The following RPS6KA2 variants were observed in gnomAD, a reference collection of about 807,000 sequenced individuals.
RPS6KA2 encodes the protein ribosomal protein S6 kinase alpha-2.
In RPS6KA2, 42 loss-of-function variants were observed where a neutral mutation model predicts 91.8. The observed-to-expected ratio is 0.46, with a 90% confidence interval of 0.36 to 0.59. RPS6KA2 has a LOEUF of 0.59. RPS6KA2 is among the 20% of genes least tolerant of loss of function. The pLI, the probability that RPS6KA2 is intolerant of heterozygous loss-of-function variation, is 0.00. For missense variants in RPS6KA2, 798 were observed against 978.5 expected, an observed-to-expected ratio of 0.82 and a Z score of 2.46; for synonymous variants, 414 against 393.6, an observed-to-expected ratio of 1.05 and a Z score of -0.61.
At chr6:166,722,976 C>T (rs1583050769) in intron 2 of RPS6KA2, among the ~76,000 whole-genome samples, 2 of 152,168 alleles carry the variant, frequency 1.3e-5, no homozygotes, top group Admixed American at 1.3e-4. Flanking sequence ...CTACACTTGG[C>T]GACTATGACA....
intron 2 of RPS6KA2, among the ~76,000 whole-genome samples, chr6:166,851,079 T>C (rs1780727555): frequency 6.6e-6 from 1 of 152,230 alleles, no homozygotes; most frequent in Admixed American, 6.5e-5. Context: ...TCACCTTTGG[T>C]GCCTCGATTT....
rs975586476 is a variant in RPS6KA2, at chr6:166,508,815, C to T, written c.380-533G>A. 3.9e-5 allele frequency among the ~76,000 whole-genome samples: 6 copies of T among 152,278 alleles called. No homozygotes were observed. Among genetic ancestry groups the T allele is most frequent in the African/African-American group, 1.4e-4 (6 of 41,550 alleles). On this transcript the variant is annotated intron_variant, in intron 4 of 20. Transcript: ENST00000265678. The surrounding 1 kb of genome is among the most constrained non-coding windows in gnomAD (Gnocchi z 4.3). ...ATTTGAACATCAACAATGGGGCTCA[C>T]GTCCTAGGTCTGGTCACTGTGAGCT...
At chr6:166,582,663 G>A in intron 1 of RPS6KA2, among the ~76,000 whole-genome samples, 1 of 152,102 alleles carries the variant, frequency 6.6e-6, no homozygotes, top group East Asian at 1.9e-4. Flanking sequence ...CAGAAAAAGT[G>A]CCAAAAAATG....
chr6:166,714,249 G>T (rs1324748204), intron 2 of RPS6KA2, among the ~76,000 whole-genome samples: 2 of 152,244 alleles, frequency 1.3e-5, no homozygotes, highest in Non-Finnish European at 2.9e-5. Flanking sequence ...CTCACACAGA[G>T]ACAACAGCTT....
At chr6:166,630,656 C>G (rs892950224), upstream of RPS6KA2, among the ~76,000 whole-genome samples, 2 of 152,188 alleles carry the variant, frequency 1.3e-5, no homozygotes, top group African/African-American at 4.8e-5. Flanking sequence ...GAGACAGTGT[C>G]CAGCCAGTAC....
At chr6:166,703,938 T>C (rs543316033) in intron 2 of RPS6KA2, among the ~76,000 whole-genome samples, 1 of 152,346 alleles carries the variant, frequency 6.6e-6, no homozygotes, top group South Asian at 2.1e-4. Context: ...TTTTCTCAGG[T>C]AACATATTTT....
At chr6:166,667,217 G>A (rs1240587801) in intron 2 of RPS6KA2, among the ~76,000 whole-genome samples, 1 of 152,210 alleles carries the variant, frequency 6.6e-6, no homozygotes, top group African/African-American at 2.4e-5. Flanking sequence ...CCACTGAACT[G>A]CACACTGACA....
At chr6:166,521,179 G>C (rs77551307) in intron 3 of RPS6KA2, among the ~76,000 whole-genome samples, 1 of 152,198 alleles carries the variant, frequency 6.6e-6, no homozygotes, top group Admixed American at 6.5e-5. Context: ...CAGGAGCCTT[G>C]GGGGTGTGGC....
chr6:166,521,253 A>C (rs1782845092), intron 3 of RPS6KA2, among the ~76,000 whole-genome samples: 1 of 152,178 alleles, frequency 6.6e-6, no homozygotes. Context: ...CCATCCAACT[A>C]CACTGGATTG....
At position 166,770,845 on chromosome 6, in the gene RPS6KA2, C is replaced by T. The variant is rs1376177560; in HGVS notation, c.123+87355G>A. 1 of 1,581,054 alleles carries T rather than the reference C, an allele frequency of 6.3e-7. No individual in the cohort carries two copies. Among genetic ancestry groups the T allele is most frequent in the Non-Finnish European group, 8.5e-7 (1 of 1,175,064 alleles). On this transcript the variant is annotated intron_variant, in intron 2 of 21. Transcript: ENST00000503859. The surrounding 1 kb of genome is among the most constrained non-coding windows in gnomAD (Gnocchi z 5.1). ...ACATAAGCATGGAAAAAAACAAACCCACAGGAACGCTTCTTACCTCTACGG... is the reference window on the plus strand; with the variant it reads ...ACATAAGCATGGAAAAAAACAAACCTACAGGAACGCTTCTTACCTCTACGG...
chr6:166,590,106 C>T (rs1227866886), intron 1 of RPS6KA2, among the ~76,000 whole-genome samples: 1 of 152,178 alleles, frequency 6.6e-6, no homozygotes, highest in Admixed American at 6.5e-5. Flanking sequence ...CAAGCAAAGA[C>T]ACAGGGGCTG....
rs540837515 is a variant in RPS6KA2, at chr6:166,723,369, A to AG, written c.123+134830dup. Among the ~76,000 whole-genome samples, 12 of 152,190 alleles carry AG rather than the reference A, an allele frequency of 7.9e-5. No individual in the cohort carries two copies. In the East Asian group the frequency reaches 1.9e-3, roughly 25 times the overall value. ...ATGAATGCACTGCCTTCCTCACCCCAGGGGGGTCCCACACGTGTGCACCGC... is the reference window on the plus strand; with the variant it reads ...ATGAATGCACTGCCTTCCTCACCCCAGGGGGGGTCCCACACGTGTGCACCGC... On this transcript the variant is annotated intron_variant, in intron 2 of 21. Coordinates refer to the RPS6KA2 transcript ENST00000503859.
Position 166,647,384 on chromosome 6 carries a change from G to GAACT in RPS6KA2, c.124-108601_124-108600insAGTT, listed in dbSNP as rs1275913539. 1.2e-4 allele frequency among the ~76,000 whole-genome samples: 19 copies of GAACT among 152,266 alleles called. No homozygotes were observed. The East Asian group carries it at 3.7e-3, about 29-fold the overall frequency. ...GGCTTCATCTCTTCTTGCCGGGTTAGTGCAGTTCTCTGCTGGTGGGGATGT... is the reference window on the plus strand; with the variant it reads ...GGCTTCATCTCTTCTTGCCGGGTTAGAACTTGCAGTTCTCTGCTGGTGGGGATGT... On this transcript the variant is annotated intron_variant, in intron 2 of 21. Coordinates refer to the RPS6KA2 transcript ENST00000503859.
At chr6:166,815,431 A>C (rs1779737376) in intron 2 of RPS6KA2, among the ~76,000 whole-genome samples, 1 of 152,220 alleles carries the variant, frequency 6.6e-6, no homozygotes, top group South Asian at 2.1e-4. Context: ...TTTTTAGCCC[A>C]CTGTGATTTA....
chr6:166,461,486 G>A lies in RPS6KA2; in HGVS notation c.973-1935C>T, dbSNP rs969221774. ...ATCCTCCCTCTGTGTGAGAGCAAGC[G>A]AGGGAGAGAGGTGGAGAGAGAGAGA... On this transcript the variant is annotated intron_variant, in intron 11 of 20. Coordinates refer to ENST00000265678, the MANE Select transcript of RPS6KA2 (RefSeq NM_021135.6). Among the ~76,000 whole-genome samples the A allele has an allele frequency of 1.2e-4, 18 of 144,050 alleles. No homozygotes were observed. The South Asian group carries it at 2.1e-3, about 17-fold the overall frequency. 94.5% of individuals were successfully genotyped at this position (144,050 alleles called of 152,430 possible).
chr6:166,617,794 C>T (rs931519521), intron 1 of RPS6KA2, among the ~76,000 whole-genome samples: 5 of 152,330 alleles, frequency 3.3e-5, no homozygotes, highest in African/African-American at 7.2e-5. Flanking sequence ...ACGCATGGCT[C>T]GGGGGCAACG....
At chr6:166,625,140 C>T (rs1422748384) in intron 1 of RPS6KA2, among the ~76,000 whole-genome samples, 2 of 152,120 alleles carry the variant, frequency 1.3e-5, no homozygotes, top group African/African-American at 2.4e-5. Context: ...CCATTATTGA[C>T]CATCTTAGTG....
At chr6:166,530,969 T>C (rs1009410794) in intron 3 of RPS6KA2, among the ~76,000 whole-genome samples, 1 of 152,270 alleles carries the variant, frequency 6.6e-6, no homozygotes, top group African/African-American at 2.4e-5. Flanking sequence ...GCTTTCCCAA[T>C]GCCGCTCCAC....
chr6:166,446,207 A>C (rs1779673777), intron 14 of RPS6KA2, among the ~76,000 whole-genome samples: 1 of 152,240 alleles, frequency 6.6e-6, no homozygotes, highest in African/African-American at 2.4e-5. Context: ...CCTGCAGATA[A>C]TTGAACTTGT....
Sources: allele counts gnomAD v4.1 joint callset (sites outside exome capture counted in the v4.1 genomes callset), GRCh38; gene constraint gnomAD v4.1.1; non-coding constraint Gnocchi (gnomAD v3.1); transcripts MANE v1.5; gene names NCBI Gene and HGNC (gene_info 2026-07-23, HGNC 2026-07-21).